Variants in LRRC2 observed in about 807,000 individuals in gnomAD.
LRRC2 encodes the protein leucine-rich repeat-containing protein 2.
In LRRC2, 27 loss-of-function variants were observed where a neutral mutation model predicts 40.2. The observed-to-expected ratio is 0.67, with a 90% confidence interval of 0.49 to 0.93. The LOEUF (loss-of-function observed/expected upper bound fraction) is 0.93, where lower values mean the gene tolerates loss of function less well. Ranked by LOEUF, LRRC2 falls within the 40% of genes least tolerant of loss-of-function variation. The pLI is 0.00. For synonymous variants in LRRC2, 147 were observed against 158.9 expected (o/e 0.92, Z 0.56); for missense variants, 402 against 439.6 (o/e 0.91, Z 0.76).
chr3:46,557,682 G>C (rs1704838873), intron 1 of LRRC2: 1 of 152,106 alleles, frequency 6.6e-6, no homozygotes, highest in Non-Finnish European at 1.5e-5. Context: ...AGGGCTGAGG[G>C]AGCACATCCA....
intron 1 of LRRC2, among the ~76,000 whole-genome samples, chr3:46,561,990 T>C (rs1704955707): frequency 6.6e-6 from 1 of 152,208 alleles, no homozygotes. Flanking sequence ...ATATTTTGCT[T>C]TGGTGGATGT....
chr3:46,532,227 A>T (rs1180103180), intron 5 of LRRC2, among the ~76,000 whole-genome samples: 2 of 152,212 alleles, frequency 1.3e-5, no homozygotes, highest in Non-Finnish European at 2.9e-5. Context: ...AGCATTAAAT[A>T]AAAATTTCTT....
intron 8 of LRRC2, among the ~76,000 whole-genome samples, chr3:46,519,866 A>G (rs1255829733): frequency 6.6e-6 from 1 of 152,220 alleles, no homozygotes; most frequent in Admixed American, 6.5e-5. Flanking sequence ...GATAAAGAAA[A>G]GAAAACGAGC....
chr3:46,531,074 A>G (rs752950393), intron 5 of LRRC2, among the ~76,000 whole-genome samples: 4 of 152,224 alleles, frequency 2.6e-5, no homozygotes, highest in Non-Finnish European at 5.9e-5. Flanking sequence ...TGTATATGCA[A>G]CTAACAACGT....
Position 46,563,204 on chromosome 3 carries a change from A to G in LRRC2, c.-20+2973T>C, listed in dbSNP as rs952640704. Among the ~76,000 whole-genome samples the G allele has an allele frequency of 2.6e-5, 4 of 152,208 alleles. No individual in the cohort carries two copies. The East Asian group carries it at 7.7e-4, about 29-fold the overall frequency. On this transcript the variant is annotated intron_variant, in intron 1 of 8. Coordinates refer to ENST00000395905, the MANE Select transcript of LRRC2 (RefSeq NM_024512.5). Reference sequence around the variant, plus strand: ...GTGTCACGCCTTGCCTCAGTTGGGGAAAGGCCCCCTAATTGGTCTCCTGGC... The same window carrying G: ...GTGTCACGCCTTGCCTCAGTTGGGGGAAGGCCCCCTAATTGGTCTCCTGGC...
intron 1 of LRRC2, among the ~76,000 whole-genome samples, chr3:46,553,908 G>C (rs769143359): frequency 5.3e-5 from 8 of 152,320 alleles, no homozygotes; most frequent in Non-Finnish European, 1.2e-4. Flanking sequence ...TTACTCTAAA[G>C]AGCTGACAAT....
intron 2 of LRRC2, among the ~76,000 whole-genome samples, chr3:46,546,909 C>T (rs1481356487): frequency 6.6e-6 from 1 of 151,988 alleles, no homozygotes; most frequent in African/African-American, 2.4e-5. Context: ...CTACACCTGC[C>T]CCCACACAGT....
At chr3:46,521,202 A>G (rs1165696053) in intron 8 of LRRC2, among the ~76,000 whole-genome samples, 1 of 152,184 alleles carries the variant, frequency 6.6e-6, no homozygotes, top group Non-Finnish European at 1.5e-5. Context: ...GTAACTTAGG[A>G]TACTATTTTG....
At chr3:46,554,765 G>A (rs1704750874) in intron 1 of LRRC2, among the ~76,000 whole-genome samples, 1 of 152,098 alleles carries the variant, frequency 6.6e-6, no homozygotes, top group Admixed American at 6.5e-5. Flanking sequence ...ATATAAAGGA[G>A]AATTGTTAGA....
chr3:46,519,872 C>T (rs984782282), intron 8 of LRRC2, among the ~76,000 whole-genome samples: 11 of 152,074 alleles, frequency 7.2e-5, no homozygotes, highest in Admixed American at 1.3e-4. Flanking sequence ...GAAAAGAAAA[C>T]GAGCAAATTT....
chr3:46,542,469 A>G (rs1400048268), intron 3 of LRRC2, among the ~76,000 whole-genome samples: 4 of 151,664 alleles, frequency 2.6e-5, no homozygotes, highest in Non-Finnish European at 5.9e-5. Flanking sequence ...TGCACTCCAG[A>G]CAGAGTGACT....
At position 46,545,253 on chromosome 3, in the gene LRRC2, C is replaced by G; in HGVS notation, c.126G>C (p.Lys42Asn). Residue 42 changes from lysine (K) to asparagine (N), a missense_variant and splice_region_variant, in exon 3 of 9, where the codon AAG becomes AAC. Coordinates refer to ENST00000395905, the MANE Select transcript of LRRC2 (RefSeq NM_024512.5). ...CCACAAAGTTCCACTCCTCCTTTAT[C>G]CTAAAACAGGCAGCAGGGGTCACAG... ...VERLEKSALEKIKEEWNFVAE... is the reference protein window; with the variant it reads ...VERLEKSALENIKEEWNFVAE... 2 of 1,613,864 alleles carry G rather than the reference C, an allele frequency of 1.2e-6. No homozygotes were observed. The highest frequency in any genetic ancestry group is 1.7e-6 in the Non-Finnish European group (2 of 1,179,850).
chr3:46,543,118 C>T (rs886437692), intron 3 of LRRC2, among the ~76,000 whole-genome samples: 2 of 152,188 alleles, frequency 1.3e-5, no homozygotes, highest in African/African-American at 4.8e-5. Flanking sequence ...AACTGAAATT[C>T]ACTCTAAAGA....
chr3:46,539,374 G>A (rs559166295), intron 3 of LRRC2, among the ~76,000 whole-genome samples, 173 bp from the exon 4 acceptor site: 4 of 152,262 alleles, frequency 2.6e-5, no homozygotes, highest in South Asian at 2.1e-4. Flanking sequence ...CGCAGTTGTC[G>A]TCAACTTCAC....
intron 2 of LRRC2, among the ~76,000 whole-genome samples, chr3:46,545,610 G>A (rs1704508831): frequency 6.6e-6 from 1 of 152,198 alleles, no homozygotes; most frequent in South Asian, 2.1e-4. Flanking sequence ...ATACAGAGGA[G>A]CTTCAGTGTA....
chr3:46,517,287 T>G lies in LRRC2; in HGVS notation c.*1727A>C, dbSNP rs1258867349. On this transcript the variant is annotated 3_prime_UTR_variant, in exon 9 of 9. Transcript: ENST00000395905. Reference sequence around the variant, plus strand: ...GTCACAAAAGCTGCTTGTTTTTGTTTTTTTTTTTTTAGTTATAACAATAAT... The same window carrying G: ...GTCACAAAAGCTGCTTGTTTTTGTTGTTTTTTTTTTAGTTATAACAATAAT... 4.0e-5 allele frequency: 6 copies of G among 151,718 alleles called. No homozygotes were observed. The highest frequency in any genetic ancestry group is 6.6e-5 in the Admixed American group (1 of 15,252). 9.4% of individuals were successfully genotyped at this position (151,718 alleles called of 1,614,324 possible). A position where few individuals can be genotyped will look rare whatever the true frequency, so the allele number is the denominator to read the frequency against.
intron 1 of LRRC2, among the ~76,000 whole-genome samples, chr3:46,563,071 A>G (rs1338928996): frequency 1.3e-5 from 2 of 151,816 alleles, no homozygotes; most frequent in Non-Finnish European, 2.9e-5. Context: ...CCCACCCACT[A>G]TGCAGATAGT....
At chr3:46,542,645 T>C (rs903678974) in intron 3 of LRRC2, among the ~76,000 whole-genome samples, 1 of 151,230 alleles carries the variant, frequency 6.6e-6, no homozygotes, top group Non-Finnish European at 1.5e-5. Context: ...AGTGGAAAAA[T>C]AAAGCCACTT....
At chr3:46,562,973 G>A (rs768194321) in intron 1 of LRRC2, among the ~76,000 whole-genome samples, 8 of 152,078 alleles carry the variant, frequency 5.3e-5, no homozygotes, top group Non-Finnish European at 5.9e-5. Flanking sequence ...TGATCTGCCC[G>A]CCTCGGCATC....
Sources: gnomAD v4.1 joint callset for allele counts (sites outside exome capture counted in the v4.1 genomes callset) on GRCh38, gnomAD v4.1.1 for gene constraint, MANE v1.5 for transcripts, NCBI Gene and HGNC (gene_info 2026-07-23, HGNC 2026-07-21) for gene names.